Variants in ACAN observed in about 807,000 individuals in gnomAD.
The protein encoded by ACAN is aggrecan, also known as aggrecan core protein.
Under a neutral mutation model 169.1 loss-of-function variants are expected in ACAN, and 47 were observed. The observed-to-expected ratio is 0.28, with a 90% CI of 0.22 to 0.35. The LOEUF is 0.35. ACAN is among the 10% of genes least tolerant of loss of function. The probability of loss-of-function intolerance (pLI) is 1.00; values close to 1 mark genes in which losing one functional copy is unlikely to be tolerated. For missense variants in ACAN, 2,716 were observed against 2,759.9 expected, an observed-to-expected ratio of 0.98 and a Z score of 0.36; for synonymous variants, 1,115 against 1,112.2, an observed-to-expected ratio of 1.00 and a Z score of -0.05.
At chr15:88,865,870 C>T (rs1897272311) in intron 13 of ACAN, among the ~76,000 whole-genome samples, 1 of 152,218 alleles carries the variant, frequency 6.6e-6, no homozygotes, top group Admixed American at 6.5e-5. Context: ...GAAAGCCCCA[C>T]ACCGGACACC....
chr15:88,831,561 A>G (rs1424041535), intron 1 of ACAN, among the ~76,000 whole-genome samples: 2 of 152,176 alleles, frequency 1.3e-5, no homozygotes, highest in Admixed American at 6.5e-5. Flanking sequence ...GCCACACACT[A>G]CATTGGGTGC....
rs1429872135 is a variant in ACAN at position 88,848,004 on chromosome 15, C to T, written c.1698C>T (p.Thr566=). Residue 566 remains threonine (T), a synonymous_variant, in exon 9 of 19, where the codon ACC becomes ACT. Transcript: ENST00000560601. The stretch of plus-strand genomic sequence containing the variant: ...ATGGCGTGCGCCCATCAACAGAGAC[C>T]TACGATGTCTACTGCTTTGTAGACA... The part of the protein sequence containing the change: ...RTYGVRPSTE[T]YDVYCFVDRL... The T allele has an allele frequency of 2.5e-6, 4 of 1,613,860 alleles. No individual in the cohort carries two copies. In the African/African-American group the frequency reaches 4.0e-5, roughly 16 times the overall value.
rs868294489 is a variant in ACAN at position 88,820,563 on chromosome 15, T to G, written c.-7-15637T>G. ...CCTGCTCCTTTCTCCCTGCCTTGTG[T>G]GTTCAGTCTCTTACTCTTAGAAGGC... On this transcript the variant is annotated intron_variant, in intron 1 of 18. Coordinates refer to ENST00000560601, the MANE Select transcript of ACAN (RefSeq NM_001369268.1). 2.6e-5 allele frequency among the ~76,000 whole-genome samples: 4 copies of G among 152,294 alleles called. No individual in the cohort carries two copies. In the South Asian group the frequency reaches 8.3e-4, roughly 32 times the overall value.
rs190271822 is a variant in ACAN at position 88,814,528 on chromosome 15, G to A, written c.-8+10719G>A. On this transcript the variant is annotated intron_variant, in intron 1 of 18. Coordinates refer to ENST00000560601, the MANE Select transcript of ACAN (RefSeq NM_001369268.1). The surrounding 1 kb of genome is among the most constrained non-coding windows in gnomAD (Gnocchi z 4.0). ...CTAGCTGAGGGACAGGACAGATGAC[G>A]AAAGCCAGGGCTGGCTCCTGATAGG... is the stretch of plus-strand genomic sequence containing the variant. Among the ~76,000 whole-genome samples the A allele has an allele frequency of 1.6e-4, 25 of 152,314 alleles. No individual in the cohort carries two copies. The highest frequency in any genetic ancestry group is 5.2e-4 in the Admixed American group (8 of 15,306).
At chr15:88,867,088 G>A (rs1489669446) in intron 13 of ACAN, among the ~76,000 whole-genome samples, 2 of 152,180 alleles carry the variant, frequency 1.3e-5, no homozygotes, top group Non-Finnish European at 2.9e-5. Context: ...CAAGTTGGGG[G>A]ATAAAACAGC....
rs1216948749 is a variant in ACAN, at chr15:88,858,632, G to C, written c.6047G>C (p.Gly2016Ala). The C allele has an allele frequency of 6.2e-7, 1 of 1,613,860 alleles. No homozygotes were observed. Among genetic ancestry groups the C allele is most frequent in the African/African-American group, 1.3e-5 (1 of 74,936 alleles). Residue 2016 changes from glycine (G) to alanine (A), a missense_variant, in exon 12 of 19, where the codon GGA (glycine) becomes GCA (alanine). Transcript: ENST00000560601. The surrounding 1 kb of genome is among the most constrained non-coding windows in gnomAD (Gnocchi z 4.0). Reference protein sequence around the residue: ...GDFASTTNVSGESSVAMGTSG... With the variant: ...GDFASTTNVSAESSVAMGTSG... The stretch of plus-strand genomic sequence containing the variant: ...TTTGCCAGCACCACCAATGTAAGTG[G>C]AGAATCCTCTGTAGCCATGGGCACC...
In ACAN at chr15:88,873,872, A is replaced by G. The variant is rs757978070; in HGVS notation, c.7478A>G (p.His2493Arg). The stretch of plus-strand genomic sequence containing the variant: ...TGCGGAGAGCCCCCTGTGGTGGAGC[A>G]TGCCAGGACCTTCGGGCAGAAGAAG... ...VACGEPPVVE[H>R]ARTFGQKKDR... The change falls in exon 18 of 19, where the codon CAT becomes CGT. Residue 2493 changes from histidine to arginine, a missense_variant. His to Arg is a conservative substitution (Grantham distance 29, BLOSUM62 0). This residue lies in a region of ACAN where 1,389 missense variants were observed against 1,363.7 expected (regional missense o/e 1.02). Transcript: ENST00000560601. This position sits in a 1 kb window ranked among gnomAD's most constrained non-coding sequence, Gnocchi z 7.5. 9 of 1,613,826 alleles carry G rather than the reference A, an allele frequency of 5.6e-6. No individual in the cohort carries two copies. The South Asian group carries it at 8.8e-5, about 16-fold the overall frequency.
chr15:88,873,771 C>T lies in ACAN; in HGVS notation c.7448-71C>T, dbSNP rs1312441894. 12 of 1,508,582 alleles carry T rather than the reference C, an allele frequency of 8.0e-6. No individual in the cohort carries two copies. Among genetic ancestry groups the T allele is most frequent in the African/African-American group, 4.1e-5 (3 of 72,762 alleles). 93.4% of individuals were successfully genotyped at this position (1,508,582 alleles called of 1,614,324 possible). On this transcript the variant is annotated intron_variant, in intron 17 of 18. Transcript: ENST00000560601. This position sits in a 1 kb window ranked among gnomAD's most constrained non-coding sequence, Gnocchi z 7.5. ...TGAGGCTGTGTCCCCCACAGTGCCT[C>T]GGGTCACAACCAGCATAGGTCATCC... is the stretch of plus-strand genomic sequence containing the variant.
intron 4 of ACAN, among the ~76,000 whole-genome samples, chr15:88,840,673 C>T (rs553500240): frequency 1.3e-5 from 2 of 151,978 alleles, no homozygotes; most frequent in Admixed American, 1.3e-4. Flanking sequence ...TGATATCACC[C>T]ATTTCAGGAG....
intron 13 of ACAN, among the ~76,000 whole-genome samples, chr15:88,862,465 C>T (rs944243720): frequency 6.6e-6 from 1 of 152,202 alleles, no homozygotes; most frequent in African/African-American, 2.4e-5. Context: ...TCCCTTTCCC[C>T]ATCTCTCACT....
Position 88,856,221 on chromosome 15 carries a change from C to T in ACAN, c.3636C>T (p.Thr1212=), listed in dbSNP as rs79161342. The T allele has an allele frequency of 0.068, 12 of 176 alleles. No individual in the cohort carries two copies. The highest frequency in any genetic ancestry group is 0.13 in the Non-Finnish European group (11 of 82). 0.0% of individuals were successfully genotyped at this position (176 alleles called of 1,614,324 possible). A position where few individuals can be genotyped will look rare whatever the true frequency, so the allele number is the denominator to read the frequency against. The change falls in exon 12 of 19, where the codon ACC becomes ACT. Residue 1212 remains threonine (T), a synonymous_variant. Coordinates refer to ENST00000560601, the MANE Select transcript of ACAN (RefSeq NM_001369268.1). ...SGLPSGEVLE[T]AAPGVEDISG... is the part of the protein sequence containing the mutation. ...TTCCTTCTGGAGAAGTTCTAGAGAC[C>T]GCTGCCCCTGGAGTAGAGGACATCA...
rs754971280 is a variant in ACAN at position 88,855,132 on chromosome 15, C to T, written c.2547C>T (p.Pro849=). 6.2e-7 allele frequency: 1 copy of T among 1,608,818 alleles called. No homozygotes were observed. Among genetic ancestry groups the T allele is most frequent in the Non-Finnish European group, 8.5e-7 (1 of 1,176,982 alleles). Reference sequence around the variant, plus strand: ...CGTATACACCTTCACCCCCCGTGCCCAGCTGGACTGAGCTGCCCAGCTCTG... The same window carrying T: ...CGTATACACCTTCACCCCCCGTGCCTAGCTGGACTGAGCTGCCCAGCTCTG... ...EEPYTPSPPV[P]SWTELPSSGE... is the part of the protein sequence containing the mutation. The change falls in exon 12 of 19, where the codon CCC becomes CCT. Residue 849 remains proline, a synonymous_variant. Transcript: ENST00000560601.
At chr15:88,836,061 C>T in intron 1 of ACAN, 139 bp from the exon 2 acceptor site, 1 of 621,588 alleles carries the variant, frequency 1.6e-6, no homozygotes, top group Admixed American at 2.9e-5. Context: ...TCTCACAAAC[C>T]ACGTGCAGCC....
chr15:88,836,528 C>G (rs913365596), intron 2 of ACAN, among the ~76,000 whole-genome samples: 1 of 152,254 alleles, frequency 6.6e-6, no homozygotes, highest in Non-Finnish European at 1.5e-5. Flanking sequence ...CGACAGCTGG[C>G]AGGGAGAGCT....
intron 12 of ACAN, among the ~76,000 whole-genome samples, chr15:88,859,753 C>G (rs1345791770): frequency 6.6e-6 from 1 of 152,252 alleles, no homozygotes; most frequent in Non-Finnish European, 1.5e-5. Flanking sequence ...GTGAATTCAA[C>G]TATCTGTACT....
chr15:88,867,334 A>G (rs1233715479), intron 13 of ACAN, among the ~76,000 whole-genome samples: 4 of 152,226 alleles, frequency 2.6e-5, no homozygotes, highest in African/African-American at 9.6e-5. Context: ...GAAAAGAGGC[A>G]GAGGATGGGG....
intron 1 of ACAN, among the ~76,000 whole-genome samples, chr15:88,811,084 T>A (rs144070818): frequency 6.7e-4 from 102 of 152,272 alleles, no homozygotes; most frequent in Non-Finnish European, 1.3e-3. Flanking sequence ...CCCTTGGTTC[T>A]CCAAGGTGGT....
chr15:88,808,402 A>G (rs1419762749), intron 1 of ACAN, among the ~76,000 whole-genome samples: 2 of 152,234 alleles, frequency 1.3e-5, no homozygotes, highest in Non-Finnish European at 2.9e-5. Context: ...GCTACATGCC[A>G]GGCACTGTGC....
rs777785667 is a variant in ACAN, at chr15:88,854,900, C to T, written c.2315C>T (p.Thr772Ile). Residue 772 changes from threonine to isoleucine, a missense_variant, in exon 12 of 19, where the codon ACA becomes ATA. Thr to Ile is a moderately conservative substitution (Grantham distance 89). Around this residue, in one of 3 missense-constraint regions of ACAN, gnomAD observed 1,283 missense variants for 1,281.5 expected, o/e 1.00. Coordinates refer to ENST00000560601, the MANE Select transcript of ACAN (RefSeq NM_001369268.1). ...PPTGAATEES[T>I]EGPSATEVPS... Reference sequence around the variant, plus strand: ...ACTGGCGCAGCAACAGAGGAAAGTACAGAAGGCCCTTCTGCAACTGAAGTG... The same window carrying T: ...ACTGGCGCAGCAACAGAGGAAAGTATAGAAGGCCCTTCTGCAACTGAAGTG... 4.5e-6 allele frequency: 7 copies of T among 1,562,608 alleles called. No homozygotes were observed. In the South Asian group the frequency reaches 7.5e-5, roughly 17 times the overall value.
Sources: allele counts gnomAD v4.1 joint callset (sites outside exome capture counted in the v4.1 genomes callset), GRCh38; gene constraint gnomAD v4.1.1; regional missense constraint gnomAD v4.1.1; non-coding constraint Gnocchi (gnomAD v3.1); transcripts MANE v1.5; gene names NCBI Gene and HGNC (gene_info 2026-07-23, HGNC 2026-07-21).